The following NMI variants were observed in gnomAD, a reference collection of about 807,000 sequenced individuals.
NMI encodes N-myc-interactor.
A neutral mutation model predicts 34.3 loss-of-function variants in NMI; 39 were observed. The ratio of observed to expected loss-of-function variants is 1.14; its 90% CI spans 0.88 to 1.49. The LOEUF (loss-of-function observed/expected upper bound fraction) is 1.49. Ranked by LOEUF, NMI falls within the 40% of genes most tolerant of loss-of-function variation. NMI has a pLI of 0.00. For synonymous variants in NMI, 113 were observed against 120.3 expected (o/e 0.94, Z 0.40); for missense variants, 339 against 358.1 (o/e 0.95, Z 0.43).
At chr2:151,281,546 C>A (rs1284911973) in intron 3 of NMI, among the ~76,000 whole-genome samples, 1 of 152,162 alleles carries the variant, frequency 6.6e-6, no homozygotes, top group Non-Finnish European at 1.5e-5. Flanking sequence ...CCCAGAAACC[C>A]CCTTGGGTTC....
At chr2:151,273,450 A>G (rs1284382641) in intron 6 of NMI, among the ~76,000 whole-genome samples, 1 of 152,246 alleles carries the variant, frequency 6.6e-6, no homozygotes, top group Non-Finnish European at 1.5e-5. Context: ...GCCCAAGGAC[A>G]CAGGTTCCAA....
intron 6 of NMI, among the ~76,000 whole-genome samples, chr2:151,273,937 G>T (rs1045456605): frequency 6.6e-6 from 1 of 152,158 alleles, no homozygotes; most frequent in Admixed American, 6.5e-5. Context: ...CCAAGTTATT[G>T]TTCATTTCCA....
At chr2:151,279,522 G>A (rs1438505330) in intron 3 of NMI, among the ~76,000 whole-genome samples, 1 of 152,064 alleles carries the variant, frequency 6.6e-6, no homozygotes, top group South Asian at 2.1e-4. Context: ...CTGTTGCCAG[G>A]CTGGAGTACA....
intron 1 of NMI, 129 bp downstream of exon 1, chr2:151,289,464 G>T (rs1002119265): frequency 3.9e-5 from 6 of 152,252 alleles, no homozygotes; most frequent in Non-Finnish European, 8.8e-5. Context: ...CGGGGAGCAG[G>T]GTCTCAACTC....
chr2:151,288,292 T>G (rs971697320), intron 1 of NMI, among the ~76,000 whole-genome samples: 1 of 152,186 alleles, frequency 6.6e-6, no homozygotes, highest in East Asian at 1.9e-4. Context: ...AGTGTAATCA[T>G]GAGGCTACTT....
intron 4 of NMI, among the ~76,000 whole-genome samples, chr2:151,276,210 G>T (rs570715357): frequency 6.6e-6 from 1 of 152,004 alleles, no homozygotes; most frequent in East Asian, 1.9e-4. Flanking sequence ...ATGCCACCAC[G>T]CCTAGCTAAT....
chr2:151,287,665 C>A (rs1264307048), intron 1 of NMI, among the ~76,000 whole-genome samples: 1 of 152,154 alleles, frequency 6.6e-6, no homozygotes, highest in Non-Finnish European at 1.5e-5. Context: ...GTTACTCCCC[C>A]TCCTTTATCT....
At chr2:151,278,717 C>A (rs1683332199) in intron 4 of NMI, 111 bp downstream of exon 4, 1 of 841,456 alleles carries the variant, frequency 1.2e-6, no homozygotes, top group Non-Finnish European at 1.9e-6. Context: ...CAGAACGTCA[C>A]TATGAGGATA....
At chr2:151,277,501 C>T (rs896767499) in intron 4 of NMI, 1 of 152,176 alleles carries the variant, frequency 6.6e-6, no homozygotes, top group Non-Finnish European at 1.5e-5. Context: ...CCACGTCAAG[C>T]GTAGAAGCAA....
In NMI at chr2:151,275,613, G is replaced by T. The variant is rs530144789; in HGVS notation, c.505C>A (p.Arg169Ser). Residue 169 changes from arginine (R) to serine (S), a missense_variant, in exon 6 of 8, where the codon CGT (arginine) becomes AGT (serine). Physicochemically the swap from Arg to Ser is moderately radical, Grantham distance 110 (BLOSUM62 -1). Transcript: ENST00000243346. ...INVTEIPDTL[R>S]EDQMRDKLEL... ...AGTTTGTCTCTCATTTGATCTTCAC[G>T]CAATGTGTCAGGAATTTCAGTAACA... 6.2e-7 allele frequency: 1 copy of T among 1,614,050 alleles called. No individual in the cohort carries two copies. The highest frequency in any genetic ancestry group is 1.1e-5 in the South Asian group (1 of 91,076).
chr2:151,280,615 G>A (rs190721897), intron 3 of NMI, among the ~76,000 whole-genome samples: 2 of 152,312 alleles, frequency 1.3e-5, no homozygotes, highest in East Asian at 3.9e-4. Flanking sequence ...ATTTACTTAA[G>A]CTCTCTGATC....
chr2:151,278,838 T>G lies in NMI; in HGVS notation c.330A>C (p.Glu110Asp). 10 of 1,613,044 alleles carry G rather than the reference T, an allele frequency of 6.2e-6. No individual in the cohort carries two copies. Among genetic ancestry groups the G allele is most frequent in the Non-Finnish European group, 8.5e-6 (10 of 1,179,428 alleles). Reference protein sequence around the residue: ...IQKGQALITFEKEEVAQNVVS... With the variant: ...IQKGQALITFDKEEVAQNVVS... ...TAACATTAGTCATACCTTCTTCTTT[T>G]TCAAAGGTGATAAGTGCTTGTCCTT... Residue 110 changes from glutamate (E) to aspartate (D), a missense_variant, in exon 4 of 8, where the codon GAA becomes GAC. Physicochemically the swap from Glu to Asp is conservative, Grantham distance 45. Transcript: ENST00000243346.
chr2:151,271,268 G>C (rs2105200513), intron 7 of NMI, among the ~76,000 whole-genome samples: 1 of 152,296 alleles, frequency 6.6e-6, no homozygotes, highest in East Asian at 1.9e-4. Context: ...GAGGAAAAGG[G>C]AGCAGGTCTG....
chr2:151,274,344 C>CAAAAAA (rs773276443), intron 6 of NMI, among the ~76,000 whole-genome samples: 15 of 54,674 alleles, frequency 2.7e-4, no homozygotes, highest in African/African-American at 3.5e-4. Context: ...CTCTGTCTCA[C>CAAAAAA]AAAAAAAAAA....
intron 1 of NMI, among the ~76,000 whole-genome samples, chr2:151,288,606 T>A (rs969016415): frequency 6.6e-6 from 1 of 152,104 alleles, no homozygotes; most frequent in Non-Finnish European, 1.5e-5. Flanking sequence ...CGCGCGTTCC[T>A]ATGTGTTTAA....
chr2:151,279,225 A>G (rs1683343130), intron 3 of NMI, among the ~76,000 whole-genome samples: 1 of 152,168 alleles, frequency 6.6e-6, no homozygotes, highest in Non-Finnish European at 1.5e-5. Flanking sequence ...AAAATATATA[A>G]TCCTCTCACT....
At chr2:151,283,088 G>T (rs1488908100) in intron 1 of NMI, 134 bp from the exon 2 acceptor site, 6 of 445,970 alleles carry the variant, frequency 1.3e-5, no homozygotes, top group East Asian at 3.8e-5. Context: ...ATCATCAAAG[G>T]CTTTATTATC....
At chr2:151,280,868 C>T (rs866865371) in intron 3 of NMI, among the ~76,000 whole-genome samples, 3 of 150,390 alleles carry the variant, frequency 2.0e-5, no homozygotes, top group African/African-American at 2.4e-5. Flanking sequence ...TTTTAGGCGG[C>T]GCCTCGCTCT....
chr2:151,283,041 G>A, intron 1 of NMI, 87 bp from the exon 2 acceptor site: 1 of 580,516 alleles, frequency 1.7e-6, no homozygotes, highest in Non-Finnish European at 2.8e-6. Flanking sequence ...CCCTTTTATG[G>A]AAGAAACATC....
Sources: gnomAD v4.1 joint callset for allele counts (sites outside exome capture counted in the v4.1 genomes callset) on GRCh38, gnomAD v4.1.1 for gene constraint, MANE v1.5 for transcripts, NCBI Gene and HGNC (gene_info 2026-07-23, HGNC 2026-07-21) for gene names.